Variants in RORA observed in about 807,000 individuals in gnomAD.
RORA encodes RAR related orphan receptor A.
Under a neutral mutation model 69.5 loss-of-function variants are expected in RORA, and 7 were observed. The observed-to-expected ratio is 0.10, with a 90% confidence interval of 0.06 to 0.19. The LOEUF (loss-of-function observed/expected upper bound fraction) is 0.19, where lower values mean the gene tolerates loss of function less well. Among genes scored for constraint, RORA ranks in the 10% least tolerant of loss-of-function variants. The probability of loss-of-function intolerance (pLI) is 1.00; values close to 1 mark genes in which losing one functional copy is unlikely to be tolerated. For synonymous variants in RORA, 261 were observed against 240.8 expected (o/e 1.08, Z -0.78); for missense variants, 457 against 663.0 (o/e 0.69, Z 3.41).
chr15:60,838,753 G>C (rs3959689), intron 1 of RORA, among the ~76,000 whole-genome samples: 67,876 of 151,470 alleles, frequency 0.45, 16,485 homozygotes, highest in Non-Finnish European at 0.55. Flanking sequence ...TGTCTTCTGG[G>C]TTTAACTCAG....
chr15:60,673,173 CAA>C (rs1388235705), intron 2 of RORA, among the ~76,000 whole-genome samples: 1 of 152,156 alleles, frequency 6.6e-6, no homozygotes. Context: ...ACTAACTGGG[CAA>C]ACTTGAATCA....
intron 1 of RORA, among the ~76,000 whole-genome samples, chr15:61,133,927 T>C (rs1441480256): frequency 6.6e-6 from 1 of 152,214 alleles, no homozygotes; most frequent in Non-Finnish European, 1.5e-5. Flanking sequence ...CAAAGGCTCA[T>C]GAACATCTTG....
chr15:60,539,194 G>C (rs1375525752), intron 2 of RORA, among the ~76,000 whole-genome samples: 2 of 152,234 alleles, frequency 1.3e-5, no homozygotes, highest in Non-Finnish European at 2.9e-5. Context: ...AAGCTGAGCT[G>C]TGTGTGCAGG....
intron 1 of RORA, among the ~76,000 whole-genome samples, chr15:60,987,062 C>T (rs1222597751): frequency 6.6e-6 from 1 of 152,178 alleles, no homozygotes; most frequent in African/African-American, 2.4e-5. Flanking sequence ...ACTAAACTTG[C>T]CTCTCCATGG....
intron 1 of RORA, among the ~76,000 whole-genome samples, chr15:61,173,793 C>A (rs943892934): frequency 6.6e-6 from 1 of 152,156 alleles, no homozygotes; most frequent in Non-Finnish European, 1.5e-5. Context: ...GTAGCTGGGA[C>A]TATAGGCATG....
chr15:60,645,813 A>T (rs75181035), intron 2 of RORA, among the ~76,000 whole-genome samples: 6,209 of 90,568 alleles, frequency 0.069, 145 homozygotes, highest in Middle Eastern at 0.091. Flanking sequence ...TTTTTTTTTT[A>T]AAAAATTAAG....
intron 3 of RORA, among the ~76,000 whole-genome samples, chr15:60,516,086 T>C (rs1431222923): frequency 1.3e-4 from 10 of 78,878 alleles, no homozygotes; most frequent in Non-Finnish European, 2.1e-4. Flanking sequence ...TTTATTTATA[T>C]ATATTTATAT....
chr15:61,109,348 T>C (rs1002374263), intron 1 of RORA, among the ~76,000 whole-genome samples: 3 of 152,248 alleles, frequency 2.0e-5, no homozygotes, highest in East Asian at 1.9e-4. Flanking sequence ...GGCTAGCACA[T>C]TGTAGCCACT....
chr15:60,597,366 G>A (rs2068689118), intron 2 of RORA, among the ~76,000 whole-genome samples: 1 of 150,214 alleles, frequency 6.7e-6, no homozygotes, highest in Non-Finnish European at 1.5e-5. Flanking sequence ...CCACAGAATA[G>A]GTGGGTGGCA....
In RORA at chr15:60,654,379, A is replaced by G. The variant is rs572772436; in HGVS notation, c.196+24278T>C. The stretch of plus-strand genomic sequence containing the variant: ...ACACATTTGTTTGCACTGAAACTGC[A>G]TGACTAGAATAAAGCATTCAAAACA... On this transcript the variant is annotated intron_variant, in intron 2 of 10. Coordinates refer to ENST00000335670, the MANE Select transcript of RORA (RefSeq NM_134261.3). Among the ~76,000 whole-genome samples the G allele has an allele frequency of 4.6e-5, 7 of 152,336 alleles. No individual in the cohort carries two copies. In the South Asian group the frequency reaches 1.4e-3, roughly 32 times the overall value.
In RORA at chr15:60,757,001, C is replaced by A. The variant is rs945476847; in HGVS notation, c.167-78315G>T. ...TATTCAATTAATTTTGTAATAAAATCTTTAATATACACTTATCTAAAATGA... is the reference window on the plus strand; with the variant it reads ...TATTCAATTAATTTTGTAATAAAATATTTAATATACACTTATCTAAAATGA... On this transcript the variant is annotated intron_variant, in intron 1 of 10. Transcript: ENST00000335670. 3.0e-4 allele frequency among the ~76,000 whole-genome samples: 45 copies of A among 152,134 alleles called. 1 individual carries two copies. Among genetic ancestry groups the A allele is most frequent in the Non-Finnish European group, 5.7e-4 (39 of 68,012 alleles).
chr15:60,608,939 G>A (rs753693156), intron 2 of RORA, among the ~76,000 whole-genome samples: 4 of 152,212 alleles, frequency 2.6e-5, no homozygotes, highest in East Asian at 1.9e-4. Context: ...CTGTGTGACC[G>A]AGAAACACAC....
At chr15:61,129,968 T>G (rs1209878927) in intron 1 of RORA, among the ~76,000 whole-genome samples, 1 of 152,162 alleles carries the variant, frequency 6.6e-6, no homozygotes, top group African/African-American at 2.4e-5. Context: ...AAATGAAAGG[T>G]GTATAAGATT....
At position 61,010,874 on chromosome 15, in the gene RORA, A is replaced by C. The variant is rs77662313; in HGVS notation, c.166+218179T>G. ...AGGTTCTTCCCTCCTATTTCTACTT[A>C]CATCAATGAGCCTGGTTCCTTGGTT... On this transcript the variant is annotated intron_variant, in intron 1 of 10. Coordinates refer to ENST00000335670, the MANE Select transcript of RORA (RefSeq NM_134261.3). Among the ~76,000 whole-genome samples, 385 of 152,298 alleles carry C rather than the reference A, an allele frequency of 2.5e-3. 6 individuals carry two copies. The highest frequency in any genetic ancestry group is 8.9e-3 in the African/African-American group (369 of 41,540).
chr15:60,995,398 G>C lies in RORA; in HGVS notation c.166+233655C>G, dbSNP rs117612364. Among the ~76,000 whole-genome samples, 226 of 152,256 alleles carry C rather than the reference G, an allele frequency of 1.5e-3. 3 individuals carry two copies. In the East Asian group the frequency reaches 0.042, roughly 28 times the overall value. Reference sequence around the variant, plus strand: ...AGCGCGAGGCCTCCTGGCCTTCAGGGCCTCATGGGTGCTCCCTTCTATTTC... The same window carrying C: ...AGCGCGAGGCCTCCTGGCCTTCAGGCCCTCATGGGTGCTCCCTTCTATTTC... On this transcript the variant is annotated intron_variant, in intron 1 of 10. Transcript: ENST00000335670.
chr15:60,676,884 G>T (rs550452773), intron 2 of RORA, among the ~76,000 whole-genome samples: 1 of 152,290 alleles, frequency 6.6e-6, no homozygotes, highest in Admixed American at 6.5e-5. Flanking sequence ...TCTTTATATG[G>T]ACTGTCTGTA....
chr15:60,889,375 C>G (rs945827485), intron 1 of RORA, among the ~76,000 whole-genome samples: 1 of 152,142 alleles, frequency 6.6e-6, no homozygotes, highest in African/African-American at 2.4e-5. Flanking sequence ...GGAAATCCCC[C>G]CTTCTGGAAT....
At chr15:60,894,241 C>T (rs1239568461) in intron 1 of RORA, among the ~76,000 whole-genome samples, 2 of 152,190 alleles carry the variant, frequency 1.3e-5, no homozygotes, top group African/African-American at 4.8e-5. Context: ...AGCTCCCTGA[C>T]AAGAGGATTA....
intron 2 of RORA, among the ~76,000 whole-genome samples, chr15:60,609,811 G>A (rs997814553): frequency 6.6e-6 from 1 of 152,176 alleles, no homozygotes; most frequent in African/African-American, 2.4e-5. Flanking sequence ...GAGAAGTGAG[G>A]GAATGGCCTC....
Sources: gnomAD v4.1 joint callset for allele counts (sites outside exome capture counted in the v4.1 genomes callset) on GRCh38, gnomAD v4.1.1 for gene constraint, MANE v1.5 for transcripts, NCBI Gene and HGNC (gene_info 2026-07-23, HGNC 2026-07-21) for gene names.